The following CNTN4 variants were observed in gnomAD, a reference collection of about 807,000 sequenced individuals.
The protein encoded by CNTN4 is contactin-4.
A neutral mutation model predicts 122.5 loss-of-function variants in CNTN4; 77 were observed. The ratio of observed to expected loss-of-function variants is 0.63; its 90% CI spans 0.52 to 0.76. The LOEUF is 0.76. CNTN4 is among the 30% of genes least tolerant of loss of function. CNTN4 has a pLI of 0.00. For missense variants in CNTN4, 1,256 were observed against 1,259.1 expected (o/e 1.00, Z 0.04); for synonymous variants, 512 against 447.0 (o/e 1.15, Z -1.83).
At chr3:2,470,003 C>A (rs2151493696) in intron 3 of CNTN4, among the ~76,000 whole-genome samples, 1 of 151,864 alleles carries the variant, frequency 6.6e-6, no homozygotes, top group East Asian at 1.9e-4. Context: ...TAAGTATATA[C>A]CATGGGACTG....
At chr3:3,040,385 GA>G (rs1700043879) in intron 20 of CNTN4, 114 bp downstream of exon 20, 2 of 794,270 alleles carry the variant, frequency 2.5e-6, no homozygotes, top group Non-Finnish European at 4.3e-6. Flanking sequence ...AGGCATACCT[GA>G]TTTGAGAAGA....
intron 2 of CNTN4, among the ~76,000 whole-genome samples, chr3:2,221,836 C>T (rs575132854): frequency 5.3e-5 from 8 of 151,986 alleles, no homozygotes; most frequent in Non-Finnish European, 7.4e-5. Flanking sequence ...ATAAAAGTCA[C>T]AATGAGATAC....
chr3:2,771,553 G>A (rs1008328679), intron 6 of CNTN4, among the ~76,000 whole-genome samples: 1 of 152,120 alleles, frequency 6.6e-6, no homozygotes, highest in Non-Finnish European at 1.5e-5. Flanking sequence ...GATGATGTGA[G>A]TATCAATGGC....
intron 2 of CNTN4, among the ~76,000 whole-genome samples, chr3:2,134,816 C>G (rs1218872216): frequency 6.6e-6 from 1 of 152,184 alleles, no homozygotes; most frequent in African/African-American, 2.4e-5. Flanking sequence ...TTTTCTCTTA[C>G]TCAGCTTTTT....
chr3:2,315,321 G>C (rs2043058910), intron 2 of CNTN4, among the ~76,000 whole-genome samples: 1 of 151,858 alleles, frequency 6.6e-6, no homozygotes, highest in Admixed American at 6.6e-5. Flanking sequence ...ATGAATTAAG[G>C]TGAAAACTTT....
intron 2 of CNTN4, among the ~76,000 whole-genome samples, chr3:2,259,139 T>C (rs866155042): frequency 6.6e-6 from 1 of 152,094 alleles, no homozygotes; most frequent in South Asian, 2.1e-4. Flanking sequence ...GAACATTCCC[T>C]TTTCCCCAGC....
In CNTN4 at chr3:2,619,715, G is replaced by A. The variant is rs138254392; in HGVS notation, c.55+48157G>A. 3.7e-3 allele frequency among the ~76,000 whole-genome samples: 565 copies of A among 152,278 alleles called. 1 individual carries two copies. Among genetic ancestry groups the A allele is most frequent in the African/African-American group, 0.013 (543 of 41,564 alleles). On this transcript the variant is annotated intron_variant, in intron 4 of 24. Transcript: ENST00000418658. ...GGAGAGGTCTTTTCATTTGCCTGAC[G>A]AAGAACATGAGGGAACAAGCACTTT...
intron 3 of CNTN4, among the ~76,000 whole-genome samples, chr3:2,448,084 G>C (rs2048689593): frequency 6.6e-6 from 1 of 152,140 alleles, no homozygotes; most frequent in Non-Finnish European, 1.5e-5. Context: ...AAATAATTGT[G>C]CCTGGTGGGA....
At chr3:2,365,787 C>T (rs1437757844) in intron 3 of CNTN4, among the ~76,000 whole-genome samples, 2 of 152,118 alleles carry the variant, frequency 1.3e-5, no homozygotes, top group Non-Finnish European at 2.9e-5. Flanking sequence ...ACATATAGTG[C>T]TGAGTTTAAA....
chr3:2,976,078 A>G (rs1428378455), intron 13 of CNTN4, among the ~76,000 whole-genome samples: 2 of 152,218 alleles, frequency 1.3e-5, no homozygotes, highest in East Asian at 1.9e-4. Flanking sequence ...TCCCAAAGAC[A>G]TGGTGTTTCT....
At chr3:2,697,098 T>A (rs1328915883) in intron 4 of CNTN4, among the ~76,000 whole-genome samples, 2 of 152,208 alleles carry the variant, frequency 1.3e-5, no homozygotes, top group Admixed American at 6.5e-5. Context: ...AGAAGAAGGG[T>A]GACAAATTTA....
chr3:2,557,222 C>G (rs956351842), intron 3 of CNTN4, among the ~76,000 whole-genome samples: 1 of 152,022 alleles, frequency 6.6e-6, no homozygotes, highest in African/African-American at 2.4e-5. Context: ...ACTGCTAATC[C>G]AAGGAGGAAA....
rs1698715496 is a variant in CNTN4 at position 3,026,350 on chromosome 3, A to T, written c.1662+73A>T. On this transcript the variant is annotated intron_variant, in intron 15 of 24. Transcript: ENST00000418658. The stretch of plus-strand genomic sequence containing the variant: ...ACTTAACAATATATTTAAAGTTACT[A>T]TTTTAGAATTTTGTTCAAGTAATCT... The T allele has an allele frequency of 7.5e-6, 10 of 1,326,068 alleles. 2 individuals are homozygous for T. In the South Asian group the frequency reaches 1.2e-4, roughly 16 times the overall value. The allele number at this position is 1,326,068 out of a possible 1,614,324, so 82.1% of individuals were successfully genotyped here. A position where few individuals can be genotyped will look rare whatever the true frequency, so the allele number is the denominator to read the frequency against.
chr3:2,623,460 T>C (rs1171914474), intron 4 of CNTN4, among the ~76,000 whole-genome samples: 1 of 152,190 alleles, frequency 6.6e-6, no homozygotes, highest in East Asian at 1.9e-4. Context: ...TATTTAGCTG[T>C]TACTGTGGAG....
At chr3:2,187,301 A>G (rs1416881484) in intron 2 of CNTN4, among the ~76,000 whole-genome samples, 1 of 152,168 alleles carries the variant, frequency 6.6e-6, no homozygotes, top group Non-Finnish European at 1.5e-5. Context: ...CTGTTTTAGT[A>G]CCAGTACCAT....
chr3:2,909,753 G>C (rs1016329537), intron 12 of CNTN4, among the ~76,000 whole-genome samples: 4 of 152,174 alleles, frequency 2.6e-5, no homozygotes, highest in African/African-American at 9.7e-5. Flanking sequence ...CAGTAATCTA[G>C]AGGACATGTT....
chr3:2,756,561 T>C (rs1458705013), intron 6 of CNTN4, among the ~76,000 whole-genome samples: 1 of 152,206 alleles, frequency 6.6e-6, no homozygotes, highest in African/African-American at 2.4e-5. Context: ...TCAAAAAATG[T>C]GTCTACCTGG....
intron 3 of CNTN4, among the ~76,000 whole-genome samples, chr3:2,397,953 T>C (rs1419402371): frequency 6.6e-6 from 1 of 152,130 alleles, no homozygotes; most frequent in Admixed American, 6.6e-5. Context: ...GAAGAGTGTA[T>C]TCATTCTATT....
chr3:2,709,388 G>T lies in CNTN4; in HGVS notation c.56-26827G>T, dbSNP rs2086969106. On this transcript the variant is annotated intron_variant, in intron 4 of 24. Coordinates refer to ENST00000418658, the MANE Select transcript of CNTN4 (RefSeq NM_175607.3). This position sits in a 1 kb window ranked among gnomAD's most constrained non-coding sequence, Gnocchi z 5.0. ...TAGGTCTCACGCCTGGTTAGGATTT[G>T]ATTGGTAAGGGTACAACCTGTGCAC... 6.6e-6 allele frequency among the ~76,000 whole-genome samples: 1 copy of T among 151,834 alleles called. No homozygotes were observed. The highest frequency in any genetic ancestry group is 6.6e-5 in the Admixed American group (1 of 15,254).
Sources: allele counts gnomAD v4.1 joint callset (sites outside exome capture counted in the v4.1 genomes callset), GRCh38; gene constraint gnomAD v4.1.1; non-coding constraint Gnocchi (gnomAD v3.1); transcripts MANE v1.5; gene names NCBI Gene and HGNC (gene_info 2026-07-23, HGNC 2026-07-21).